The following ZNF407 variants were observed in gnomAD, a reference collection of about 807,000 sequenced individuals.
The protein encoded by ZNF407 is zinc finger protein 407.
A neutral mutation model predicts 131.2 loss-of-function variants in ZNF407; 17 were observed. That is an observed-to-expected ratio of 0.13 (90% CI 0.09 to 0.19). The LOEUF (loss-of-function observed/expected upper bound fraction) is 0.19, where lower values mean the gene tolerates loss of function less well. Among genes scored for constraint, ZNF407 ranks in the 10% least tolerant of loss-of-function variants. The pLI, the probability that ZNF407 is intolerant of heterozygous loss-of-function variation, is 1.00. For synonymous variants in ZNF407, 1,156 were observed against 1,062.0 expected, an observed-to-expected ratio of 1.09 and a Z score of -1.72; for missense variants, 2,681 against 2,830.6, an observed-to-expected ratio of 0.95 and a Z score of 1.20.
chr18:74,978,346 AG>A (rs899594959), intron 8 of ZNF407, among the ~76,000 whole-genome samples: 3 of 152,190 alleles, frequency 2.0e-5, no homozygotes, highest in African/African-American at 7.2e-5. Context: ...ATAGGTCGTA[AG>A]GAGCCATTCC....
At chr18:74,875,552 T>C (rs1971144095) in intron 4 of ZNF407, among the ~76,000 whole-genome samples, 1 of 152,190 alleles carries the variant, frequency 6.6e-6, no homozygotes, top group Non-Finnish European at 1.5e-5. Flanking sequence ...AATAAATACA[T>C]GAGGAAATAA....
chr18:74,959,973 A>G (rs1972320094), intron 8 of ZNF407, among the ~76,000 whole-genome samples: 2 of 152,232 alleles, frequency 1.3e-5, no homozygotes, highest in Non-Finnish European at 2.9e-5. Flanking sequence ...CTTAGTGTGC[A>G]TTTGTATAAC....
chr18:74,757,016 T>G (rs1968979987), intron 3 of ZNF407, among the ~76,000 whole-genome samples: 1 of 151,986 alleles, frequency 6.6e-6, no homozygotes, highest in African/African-American at 2.4e-5. Flanking sequence ...GCTAACAGTT[T>G]GTCATTTTTG....
intron 3 of ZNF407, among the ~76,000 whole-genome samples, chr18:74,647,435 C>T (rs1985022184): frequency 6.6e-6 from 1 of 152,070 alleles, no homozygotes; most frequent in Non-Finnish European, 1.5e-5. Flanking sequence ...CAGAGCGGGA[C>T]CCCGTCTCTA....
At chr18:74,852,983 T>C (rs1363991617) in intron 4 of ZNF407, among the ~76,000 whole-genome samples, 1 of 152,228 alleles carries the variant, frequency 6.6e-6, no homozygotes, top group Non-Finnish European at 1.5e-5. Context: ...TTAATTAATA[T>C]CACAATTTAA....
At position 75,032,767 on chromosome 18, in the gene ZNF407, A is replaced by G. The variant is rs1278459092; in HGVS notation, c.5429-30383A>G. Among the ~76,000 whole-genome samples the G allele has an allele frequency of 1.2e-3, 153 of 131,066 alleles. 1 individual carries two copies. The highest frequency in any genetic ancestry group is 4.1e-3 in the African/African-American group (138 of 33,584). The allele number at this position is 131,066 out of a possible 152,430, so 86.0% of individuals were successfully genotyped here. The stretch of plus-strand genomic sequence containing the variant: ...TAGCATTAGATAACTAAGAGTGCTC[A>G]GAATAGGGGGAAGACAGTATTAGAT... On this transcript the variant is annotated intron_variant, in intron 8 of 8. Transcript: ENST00000299687.
chr18:75,027,544 G>T (rs1323972531), intron 8 of ZNF407, among the ~76,000 whole-genome samples: 1 of 152,188 alleles, frequency 6.6e-6, no homozygotes, highest in Non-Finnish European at 1.5e-5. Flanking sequence ...TTGTTAGTGG[G>T]TTGGATATGG....
At chr18:74,826,774 C>CA (rs1220392421) in intron 4 of ZNF407, among the ~76,000 whole-genome samples, 1 of 152,094 alleles carries the variant, frequency 6.6e-6, no homozygotes, top group Non-Finnish European at 1.5e-5. Context: ...TCTTCACTGG[C>CA]AGCATGAGGG....
intron 3 of ZNF407, among the ~76,000 whole-genome samples, chr18:74,644,196 T>G (rs1984859395): frequency 6.9e-6 from 1 of 145,706 alleles, no homozygotes; most frequent in African/African-American, 2.6e-5. Flanking sequence ...TTTTTTTTTT[T>G]GAAAAGTTGA....
chr18:74,727,377 C>T (rs1968182277), intron 3 of ZNF407, among the ~76,000 whole-genome samples: 1 of 152,144 alleles, frequency 6.6e-6, no homozygotes, highest in Non-Finnish European at 1.5e-5. Context: ...CAGCATCTCT[C>T]ACTCATCCAG....
chr18:74,728,617 C>T (rs1467236016), intron 3 of ZNF407, among the ~76,000 whole-genome samples: 7 of 152,112 alleles, frequency 4.6e-5, no homozygotes, highest in Admixed American at 6.5e-5. Flanking sequence ...CTACCTCCAC[C>T]GAGGGAGAGA....
intron 4 of ZNF407, among the ~76,000 whole-genome samples, chr18:74,838,131 A>C (rs556599518): frequency 6.6e-6 from 1 of 152,332 alleles, no homozygotes; most frequent in Non-Finnish European, 1.5e-5. Context: ...AAATACTTTA[A>C]CAGGTATATT....
Position 74,676,478 on chromosome 18 carries a change from C to T in ZNF407, c.4802+35356C>T, listed in dbSNP as rs1206406483. Among the ~76,000 whole-genome samples, 12 of 150,700 alleles carry T rather than the reference C, an allele frequency of 8.0e-5. No individual in the cohort carries two copies. In the East Asian group the frequency reaches 1.2e-3, roughly 15 times the overall value. On this transcript the variant is annotated intron_variant, in intron 3 of 8. Coordinates refer to ENST00000299687, the MANE Select transcript of ZNF407 (RefSeq NM_017757.3). Reference sequence around the variant, plus strand: ...TTGAGACGGAGTCTCGCTCTGTCACCCAGGCTGGAGTGCAGTGGCGGGATC... The same window carrying T: ...TTGAGACGGAGTCTCGCTCTGTCACTCAGGCTGGAGTGCAGTGGCGGGATC...
intron 8 of ZNF407, among the ~76,000 whole-genome samples, chr18:74,995,619 T>C (rs1459220561): frequency 6.6e-6 from 1 of 152,222 alleles, no homozygotes; most frequent in Non-Finnish European, 1.5e-5. Context: ...TCTAGATTAT[T>C]ATCAATGAAG....
At chr18:75,013,528 G>A (rs1361635379) in intron 8 of ZNF407, among the ~76,000 whole-genome samples, 1 of 152,140 alleles carries the variant, frequency 6.6e-6, no homozygotes, top group South Asian at 2.1e-4. Flanking sequence ...AGGAAAGAAA[G>A]GCAGCAGAAA....
At chr18:74,803,266 A>T (rs1437569275) in intron 4 of ZNF407, among the ~76,000 whole-genome samples, 2 of 152,196 alleles carry the variant, frequency 1.3e-5, no homozygotes, top group African/African-American at 4.8e-5. Context: ...GGCTGACATC[A>T]GCACTGTGGT....
intron 8 of ZNF407, among the ~76,000 whole-genome samples, chr18:74,964,799 A>G (rs1405863859): frequency 1.3e-5 from 2 of 152,134 alleles, no homozygotes; most frequent in Non-Finnish European, 2.9e-5. Context: ...AGATTTCTCA[A>G]AGTGTTGCAC....
At chr18:74,751,255 G>T (rs1039185326) in intron 3 of ZNF407, among the ~76,000 whole-genome samples, 13 of 152,000 alleles carry the variant, frequency 8.6e-5, no homozygotes. Flanking sequence ...TGGGATTTTT[G>T]AATCACTTTG....
intron 3 of ZNF407, among the ~76,000 whole-genome samples, chr18:74,741,330 T>C (rs1968544703): frequency 6.6e-6 from 1 of 152,146 alleles, no homozygotes; most frequent in African/African-American, 2.4e-5. Flanking sequence ...TTGTGACGTG[T>C]TATAAATATA....
Sources: allele counts gnomAD v4.1 joint callset (sites outside exome capture counted in the v4.1 genomes callset), GRCh38; gene constraint gnomAD v4.1.1; transcripts MANE v1.5; gene names NCBI Gene and HGNC (gene_info 2026-07-23, HGNC 2026-07-21).